TAFA4: variants seen among roughly 807,000 people sequenced by gnomAD.
The protein encoded by TAFA4 is chemokine-like protein TAFA-4.
TAFA4 carries 20 observed loss-of-function variants against 21.1 expected under a neutral mutation model. The observed-to-expected ratio is 0.95, with a 90% CI of 0.67 to 1.38. TAFA4 has a LOEUF of 1.38. TAFA4 is among the 40% of genes most tolerant of loss of function. TAFA4 has a pLI of 0.00. For synonymous variants in TAFA4, 71 were observed against 67.4 expected, an observed-to-expected ratio of 1.05 and a Z score of -0.26; for missense variants, 211 against 180.9, an observed-to-expected ratio of 1.17 and a Z score of -0.95.
At chr3:68,858,839 A>G (rs1459000557) in intron 3 of TAFA4, among the ~76,000 whole-genome samples, 3 of 152,038 alleles carry the variant, frequency 2.0e-5, no homozygotes, top group African/African-American at 7.2e-5. Context: ...GAAACTTGAA[A>G]TTTGAAATAT....
At chr3:68,746,721 T>C (rs1017973040) in intron 4 of TAFA4, among the ~76,000 whole-genome samples, 1 of 152,158 alleles carries the variant, frequency 6.6e-6, no homozygotes, top group Non-Finnish European at 1.5e-5. Context: ...TATTGTTAGT[T>C]CCACAAAGTA....
chr3:68,880,360 A>G (rs1376293889), intron 3 of TAFA4, among the ~76,000 whole-genome samples: 1 of 151,976 alleles, frequency 6.6e-6, no homozygotes, highest in Non-Finnish European at 1.5e-5. Flanking sequence ...TATCATAAAG[A>G]TGTTCTACTT....
At chr3:68,866,095 G>A (rs1168854470) in intron 3 of TAFA4, among the ~76,000 whole-genome samples, 3 of 152,036 alleles carry the variant, frequency 2.0e-5, no homozygotes, top group Non-Finnish European at 1.5e-5. Flanking sequence ...ATCCCCTGAG[G>A]GTGCTAGAAA....
At chr3:68,789,900 T>C (rs144096967) in intron 3 of TAFA4, among the ~76,000 whole-genome samples, 1 of 152,280 alleles carries the variant, frequency 6.6e-6, no homozygotes, top group East Asian at 1.9e-4. Flanking sequence ...TCACTGGCAA[T>C]AGACTTGCCC....
chr3:68,802,202 C>T (rs1319398516), intron 3 of TAFA4, among the ~76,000 whole-genome samples: 16 of 152,092 alleles, frequency 1.1e-4, no homozygotes, highest in Non-Finnish European at 1.5e-5. Context: ...TGCAGTTTTG[C>T]CATCTCTAAT....
intron 1 of TAFA4, among the ~76,000 whole-genome samples, chr3:68,929,513 G>A (rs2090140692): frequency 6.6e-6 from 1 of 152,168 alleles, no homozygotes; most frequent in African/African-American, 2.4e-5. Context: ...TGATTTAATA[G>A]CCAACACCTG....
chr3:68,734,083 C>T (rs1417494085), intron 5 of TAFA4, among the ~76,000 whole-genome samples: 2 of 152,130 alleles, frequency 1.3e-5, no homozygotes, highest in East Asian at 1.9e-4. Flanking sequence ...CTTAACTCTG[C>T]CTTTATTTCA....
intron 3 of TAFA4, among the ~76,000 whole-genome samples, chr3:68,789,674 G>T (rs1703327336): frequency 6.8e-6 from 1 of 146,894 alleles, no homozygotes; most frequent in Non-Finnish European, 1.5e-5. Flanking sequence ...CCCTACACAT[G>T]ATGCTCAAGA....
chr3:68,739,949 C>G (rs1702319366), intron 4 of TAFA4, among the ~76,000 whole-genome samples: 1 of 152,212 alleles, frequency 6.6e-6, no homozygotes, highest in Non-Finnish European at 1.5e-5. Flanking sequence ...AAAGCCCAGA[C>G]TTCACCACTA....
chr3:68,843,125 A>G (rs1303831057), intron 3 of TAFA4, among the ~76,000 whole-genome samples: 1 of 152,218 alleles, frequency 6.6e-6, no homozygotes, highest in East Asian at 1.9e-4. Flanking sequence ...TACTTTGGGC[A>G]GTATGGCCAT....
intron 3 of TAFA4, among the ~76,000 whole-genome samples, chr3:68,811,691 T>G (rs1043081739): frequency 1.3e-5 from 2 of 152,196 alleles, no homozygotes; most frequent in African/African-American, 2.4e-5. Context: ...ACCAAATCTA[T>G]GTCTGATTGG....
chr3:68,781,909 G>T (rs1199299347), intron 3 of TAFA4, among the ~76,000 whole-genome samples: 17 of 152,138 alleles, frequency 1.1e-4, no homozygotes, highest in Admixed American at 1.1e-3. Context: ...TTAGAAAAAA[G>T]TATGGGGGTC....
intron 3 of TAFA4, among the ~76,000 whole-genome samples, chr3:68,828,673 CTCTT>C (rs1390156976): frequency 4.6e-5 from 7 of 152,140 alleles, no homozygotes; most frequent in African/African-American, 1.7e-4. Context: ...ATTTGGCTCT[CTCTT>C]TGTCTATTAT....
chr3:68,855,367 T>A (rs139678752), intron 3 of TAFA4, among the ~76,000 whole-genome samples: 10 of 152,284 alleles, frequency 6.6e-5, no homozygotes, highest in African/African-American at 2.4e-4. Flanking sequence ...ATTGCTAACA[T>A]AGAACATATG....
chr3:68,891,480 C>T (rs1056157755), intron 1 of TAFA4, among the ~76,000 whole-genome samples: 3 of 152,160 alleles, frequency 2.0e-5, no homozygotes, highest in African/African-American at 4.8e-5. Flanking sequence ...TCTGACCTCC[C>T]GGGCTGGGAT....
chr3:68,830,935 T>A (rs1029678338), intron 3 of TAFA4, among the ~76,000 whole-genome samples: 2 of 152,228 alleles, frequency 1.3e-5, no homozygotes, highest in African/African-American at 4.8e-5. Context: ...CCCTTTACCA[T>A]CATGTAATGG....
chr3:68,823,107 T>C (rs151114918), intron 3 of TAFA4, among the ~76,000 whole-genome samples: 2,525 of 152,332 alleles, frequency 0.017, 187 homozygotes, highest in Admixed American at 0.13. Flanking sequence ...CCATGATTTC[T>C]GGTGGTCTTT....
At chr3:68,925,961 G>C (rs1029751189) in intron 1 of TAFA4, among the ~76,000 whole-genome samples, 1 of 152,238 alleles carries the variant, frequency 6.6e-6, no homozygotes. Context: ...GCCGGGCACA[G>C]TGGCTCATGC....
At chr3:68,801,162 A>G (rs917109043) in intron 3 of TAFA4, among the ~76,000 whole-genome samples, 1 of 152,190 alleles carries the variant, frequency 6.6e-6, no homozygotes, top group African/African-American at 2.4e-5. Context: ...TTTTATTTTT[A>G]TAGAGATAAA....
Sources: gnomAD v4.1 joint callset for allele counts (sites outside exome capture counted in the v4.1 genomes callset) on GRCh38, gnomAD v4.1.1 for gene constraint, MANE v1.5 for transcripts, NCBI Gene and HGNC (gene_info 2026-07-23, HGNC 2026-07-21) for gene names.